MCOLN2: variants seen among roughly 807,000 people sequenced by gnomAD.
MCOLN2 encodes mucolipin-2.
A neutral mutation model predicts 67.5 loss-of-function variants in MCOLN2; 57 were observed. The ratio of observed to expected loss-of-function variants is 0.84; its 90% CI spans 0.68 to 1.05. The LOEUF (loss-of-function observed/expected upper bound fraction) is 1.05. MCOLN2 is among the 50% of genes least tolerant of loss of function. The probability of loss-of-function intolerance (pLI) is 0.00; values close to 1 mark genes in which losing one functional copy is unlikely to be tolerated. For missense variants in MCOLN2, 620 were observed against 678.8 expected (o/e 0.91, Z 0.96); for synonymous variants, 246 against 233.3 (o/e 1.05, Z -0.50).
intron 6 of MCOLN2, among the ~76,000 whole-genome samples, chr1:84,949,061 C>T (rs920653081): frequency 7.9e-5 from 12 of 152,050 alleles, no homozygotes; most frequent in Non-Finnish European, 1.3e-4. Flanking sequence ...ATCTAGGAGG[C>T]GGAGGCTGCA....
intron 11 of MCOLN2, among the ~76,000 whole-genome samples, chr1:84,935,804 C>T (rs1276871600): frequency 6.6e-6 from 1 of 152,074 alleles, no homozygotes; most frequent in African/African-American, 2.4e-5. Flanking sequence ...ACAAATTGAA[C>T]ATATGGAAAT....
At chr1:84,982,142 C>G (rs1650292168) in intron 1 of MCOLN2, among the ~76,000 whole-genome samples, 2 of 149,630 alleles carry the variant, frequency 1.3e-5, no homozygotes, top group African/African-American at 4.9e-5. Flanking sequence ...TGGGGGGAAG[C>G]AGATTTATCA....
chr1:84,950,519 C>T (rs1040683755), intron 6 of MCOLN2, among the ~76,000 whole-genome samples: 1 of 152,158 alleles, frequency 6.6e-6, no homozygotes, highest in Admixed American at 6.5e-5. Flanking sequence ...TCAGAAAGAA[C>T]AAAGATTGCT....
chr1:84,991,997 C>T (rs145852811), intron 1 of MCOLN2, among the ~76,000 whole-genome samples: 2 of 152,304 alleles, frequency 1.3e-5, no homozygotes, highest in African/African-American at 2.4e-5. Context: ...GCTGATGACT[C>T]TCCCTAAGGA....
chr1:84,930,268 T>A lies in MCOLN2; in HGVS notation c.1543-589A>T, dbSNP rs532128274. Among the ~76,000 whole-genome samples, 445 of 148,518 alleles carry A rather than the reference T, an allele frequency of 3.0e-3. 1 individual carries two copies. The highest frequency in any genetic ancestry group is 0.011 in the African/African-American group (420 of 38,670). Reference sequence around the variant, plus strand: ...ACAGAGCAAGACCCTCTCTCTTTTTTTAAAAAAAAAAAAAGTCTAAACTTT... The same window carrying A: ...ACAGAGCAAGACCCTCTCTCTTTTTATAAAAAAAAAAAAAGTCTAAACTTT... On this transcript the variant is annotated intron_variant, in intron 12 of 13. Transcript: ENST00000370608.
intron 7 of MCOLN2, among the ~76,000 whole-genome samples, chr1:84,944,409 T>G (rs1198694475): frequency 6.6e-6 from 1 of 152,084 alleles, no homozygotes. Flanking sequence ...GGGGTGTGCT[T>G]GTAGTCCCAG....
At chr1:84,980,313 C>T (rs200806646) in intron 1 of MCOLN2, among the ~76,000 whole-genome samples, 135 of 139,632 alleles carry the variant, frequency 9.7e-4, no homozygotes, top group Middle Eastern at 3.9e-3. Flanking sequence ...TAGAAAAAAA[C>T]CCTAAAATTG....
At chr1:84,927,349 C>T (rs889268292) in intron 13 of MCOLN2, among the ~76,000 whole-genome samples, 2 of 152,102 alleles carry the variant, frequency 1.3e-5, no homozygotes, top group African/African-American at 4.8e-5. Flanking sequence ...TTTCCTCCTT[C>T]ACTGCAATAG....
At position 84,947,135 on chromosome 1, in the gene MCOLN2, G is replaced by A. The variant is rs893195241; in HGVS notation, c.748-3C>T. Reference sequence around the variant, plus strand: ...TGAGCTTTATTGTCAAAGATAATCTGGAGACACAAATGTATAGCGAGATTA... The same window carrying A: ...TGAGCTTTATTGTCAAAGATAATCTAGAGACACAAATGTATAGCGAGATTA... On this transcript the variant is annotated splice_polypyrimidine_tract_variant and splice_region_variant and intron_variant, in intron 6 of 13. Coordinates refer to ENST00000370608, the MANE Select transcript of MCOLN2 (RefSeq NM_153259.4). 1.9e-5 allele frequency: 28 copies of A among 1,445,748 alleles called. No homozygotes were observed. Among genetic ancestry groups the A allele is most frequent in the Non-Finnish European group, 2.5e-5 (26 of 1,028,548 alleles). 89.6% of individuals were successfully genotyped at this position (1,445,748 alleles called of 1,614,324 possible).
intron 2 of MCOLN2, among the ~76,000 whole-genome samples, chr1:84,964,803 T>C: frequency 6.6e-6 from 1 of 152,090 alleles, no homozygotes; most frequent in East Asian, 1.9e-4. Flanking sequence ...TGCGTTCCTA[T>C]GAGAATCTAA....
chr1:84,995,805 T>TAAAAAA (rs35541746), intron 1 of MCOLN2, among the ~76,000 whole-genome samples: 1 of 126,056 alleles, frequency 7.9e-6, no homozygotes, highest in Non-Finnish European at 1.7e-5. Context: ...CTCTATTTTT[T>TAAAAAA]TAAAAAAAAA....
intron 4 of MCOLN2, among the ~76,000 whole-genome samples, chr1:84,955,656 G>A (rs1236847148): frequency 6.6e-6 from 1 of 152,118 alleles, no homozygotes; most frequent in Admixed American, 6.5e-5. Flanking sequence ...GTTTCTGCAG[G>A]GCAGGGCAGG....
intron 4 of MCOLN2, among the ~76,000 whole-genome samples, chr1:84,954,463 T>C (rs1158921609): frequency 1.3e-5 from 2 of 152,216 alleles, no homozygotes; most frequent in Admixed American, 1.3e-4. Context: ...TGCTGGACTT[T>C]ATATATTCTC....
In MCOLN2 at chr1:84,938,098, A is replaced by C. The variant is rs369926726; in HGVS notation, c.1111-16T>G. On this transcript the variant is annotated splice_polypyrimidine_tract_variant and intron_variant, in intron 9 of 13. Transcript: ENST00000370608. ...TTGTGAGATTCTAAGGAATGAAAAAAAAGAAAGAGAGAAATGAGTAAAATA... is the reference window on the plus strand; with the variant it reads ...TTGTGAGATTCTAAGGAATGAAAAACAAGAAAGAGAGAAATGAGTAAAATA... The C allele has an allele frequency of 6.4e-7, 1 of 1,570,872 alleles. No homozygotes were observed. The highest frequency in any genetic ancestry group is 2.2e-5 in the East Asian group (1 of 44,678).
At chr1:84,987,292 C>T (rs372658614) in intron 1 of MCOLN2, among the ~76,000 whole-genome samples, 1 of 139,988 alleles carries the variant, frequency 7.1e-6, no homozygotes, top group African/African-American at 2.6e-5. Flanking sequence ...TATACATATG[C>T]CATGTAGATA....
intron 1 of MCOLN2, among the ~76,000 whole-genome samples, chr1:84,978,124 C>T (rs115354869): frequency 0.042 from 6,400 of 151,978 alleles, 219 homozygotes; most frequent in Middle Eastern, 0.099. Flanking sequence ...AAATAAAATG[C>T]TCCTGAATGA....
intron 13 of MCOLN2, among the ~76,000 whole-genome samples, chr1:84,927,751 C>A (rs1166847113): frequency 6.6e-6 from 1 of 152,156 alleles, no homozygotes; most frequent in African/African-American, 2.4e-5. Flanking sequence ...CATTCACAGC[C>A]TTCCTCAATT....
chr1:84,962,731 TG>T (rs1649157354), intron 2 of MCOLN2, among the ~76,000 whole-genome samples: 1 of 152,182 alleles, frequency 6.6e-6, no homozygotes, highest in East Asian at 1.9e-4. Context: ...ATCATTGGGT[TG>T]GCCTGTCTGG....
rs146241157 is a variant in MCOLN2 at position 84,964,796 on chromosome 1, G to A, written c.237+753C>T. Among the ~76,000 whole-genome samples the A allele has an allele frequency of 2.8e-3, 425 of 152,214 alleles. 4 individuals carry two copies. The highest frequency in any genetic ancestry group is 3.9e-3 in the Non-Finnish European group (264 of 68,012). On this transcript the variant is annotated intron_variant, in intron 2 of 13. Transcript: ENST00000370608. ...ATGTGCAGTTAACAATTGGGTTTGC[G>A]TTCCTATGAGAATCTAATGCCACCA...
Sources: allele counts gnomAD v4.1 joint callset (sites outside exome capture counted in the v4.1 genomes callset), GRCh38; gene constraint gnomAD v4.1.1; transcripts MANE v1.5; gene names NCBI Gene and HGNC (gene_info 2026-07-23, HGNC 2026-07-21).